GPC5: variants seen among roughly 807,000 people sequenced by gnomAD.
GPC5 encodes glypican-5.
A neutral mutation model predicts 53.9 loss-of-function variants in GPC5; 47 were observed. That is an observed-to-expected ratio of 0.87 (90% CI 0.69 to 1.11). The LOEUF (loss-of-function observed/expected upper bound fraction) is 1.11, where lower values mean the gene tolerates loss of function less well. Ranked by LOEUF, GPC5 falls within the 50% of genes most tolerant of loss-of-function variation. The pLI is 0.00. For synonymous variants in GPC5, 286 were observed against 263.3 expected, an observed-to-expected ratio of 1.09 and a Z score of -0.84; for missense variants, 748 against 713.1, an observed-to-expected ratio of 1.05 and a Z score of -0.56.
intron 7 of GPC5, among the ~76,000 whole-genome samples, chr13:92,334,059 G>A (rs1172456493): frequency 4.6e-5 from 7 of 152,078 alleles, no homozygotes; most frequent in African/African-American, 1.7e-4. Flanking sequence ...AAAACCCCCT[G>A]GAACTAATTG....
chr13:91,663,399 G>A (rs2035031162), intron 2 of GPC5, among the ~76,000 whole-genome samples: 1 of 152,034 alleles, frequency 6.6e-6, no homozygotes, highest in South Asian at 2.1e-4. Flanking sequence ...AAATATATGT[G>A]CTTATTATTC....
chr13:92,125,260 G>T (rs750555287), intron 6 of GPC5, among the ~76,000 whole-genome samples: 1 of 152,168 alleles, frequency 6.6e-6, no homozygotes, highest in African/African-American at 2.4e-5. Context: ...TTTTAAAAGA[G>T]TGAGAGTCAG....
chr13:92,591,780 C>T (rs1186992705), intron 7 of GPC5, among the ~76,000 whole-genome samples: 2 of 152,130 alleles, frequency 1.3e-5, no homozygotes, highest in African/African-American at 4.8e-5. Context: ...TTGGTAACCG[C>T]CATTCTACTC....
intron 7 of GPC5, among the ~76,000 whole-genome samples, chr13:92,550,189 A>G (rs1322576349): frequency 6.6e-6 from 1 of 151,834 alleles, no homozygotes; most frequent in East Asian, 1.9e-4. Flanking sequence ...TTTGATTCCA[A>G]TAATAGAACT....
At chr13:92,529,023 A>G (rs1472669089) in intron 7 of GPC5, among the ~76,000 whole-genome samples, 1 of 152,140 alleles carries the variant, frequency 6.6e-6, no homozygotes, top group Non-Finnish European at 1.5e-5. Flanking sequence ...CATTGGAAAA[A>G]AAGATAATTA....
At chr13:92,289,844 T>C (rs2042981412) in intron 7 of GPC5, among the ~76,000 whole-genome samples, 1 of 152,032 alleles carries the variant, frequency 6.6e-6, no homozygotes, top group South Asian at 2.1e-4. Flanking sequence ...TTATATACAT[T>C]TTTCAAAAGC....
chr13:92,695,925 A>C (rs1831867), intron 7 of GPC5, among the ~76,000 whole-genome samples: 83,228 of 151,634 alleles, frequency 0.55, 23,678 homozygotes, highest in East Asian at 0.84. Context: ...TTGTCCAACT[A>C]CCTATGAGTG....
chr13:91,936,950 T>C (rs970728238), intron 6 of GPC5, among the ~76,000 whole-genome samples: 1 of 152,040 alleles, frequency 6.6e-6, no homozygotes, highest in Admixed American at 6.6e-5. Flanking sequence ...TGTGAGCTGT[T>C]GCTCTACTGC....
intron 7 of GPC5, among the ~76,000 whole-genome samples, chr13:92,652,202 A>C (rs1388394622): frequency 6.6e-6 from 1 of 152,152 alleles, no homozygotes; most frequent in East Asian, 1.9e-4. Context: ...TTATGGTTTA[A>C]AATACTTTTC....
intron 7 of GPC5, among the ~76,000 whole-genome samples, chr13:92,519,444 C>T (rs1440696841): frequency 6.6e-6 from 1 of 152,188 alleles, no homozygotes; most frequent in Non-Finnish European, 1.5e-5. Context: ...GACCACAGTG[C>T]AATCAAACTA....
At chr13:91,569,251 A>G (rs899843004) in intron 2 of GPC5, among the ~76,000 whole-genome samples, 1 of 152,170 alleles carries the variant, frequency 6.6e-6, no homozygotes, top group African/African-American at 2.4e-5. Context: ...TGTTCAATAA[A>G]TGATATTGGG....
intron 7 of GPC5, among the ~76,000 whole-genome samples, chr13:92,635,103 AC>A (rs1885371445): frequency 6.6e-6 from 1 of 151,996 alleles, no homozygotes; most frequent in South Asian, 2.1e-4. Flanking sequence ...TCACAGATAA[AC>A]CTTTTATCTG....
chr13:92,593,398 G>T (rs1317803291), intron 7 of GPC5, among the ~76,000 whole-genome samples: 1 of 151,056 alleles, frequency 6.6e-6, no homozygotes, highest in African/African-American at 2.4e-5. Context: ...AGGAAGATTG[G>T]AGGTTGAAGT....
At chr13:91,470,177 G>A (rs1882524967) in intron 2 of GPC5, among the ~76,000 whole-genome samples, 1 of 152,138 alleles carries the variant, frequency 6.6e-6, no homozygotes, top group Non-Finnish European at 1.5e-5. Flanking sequence ...GTTATGTCAT[G>A]TCTTCTTTTC....
intron 6 of GPC5, among the ~76,000 whole-genome samples, chr13:92,077,355 AT>A (rs1343905172): frequency 6.6e-6 from 1 of 152,144 alleles, no homozygotes; most frequent in African/African-American, 2.4e-5. Flanking sequence ...CACTGTTAAT[AT>A]TACCCTAATG....
intron 7 of GPC5, among the ~76,000 whole-genome samples, chr13:92,483,248 T>G (rs970820215): frequency 6.6e-6 from 1 of 152,148 alleles, no homozygotes; most frequent in Non-Finnish European, 1.5e-5. Flanking sequence ...CATAATTGTG[T>G]GAACATCATG....
intron 5 of GPC5, among the ~76,000 whole-genome samples, chr13:91,855,276 C>T (rs911323057): frequency 6.6e-6 from 1 of 151,640 alleles, no homozygotes; most frequent in Non-Finnish European, 1.5e-5. Flanking sequence ...CAGCTTCAAA[C>T]TTCATTGGCT....
intron 2 of GPC5, among the ~76,000 whole-genome samples, chr13:91,538,200 T>A (rs1195115922): frequency 6.6e-6 from 1 of 152,204 alleles, no homozygotes; most frequent in African/African-American, 2.4e-5. Context: ...TAACCAGCAG[T>A]GGATGCTTGA....
intron 7 of GPC5, among the ~76,000 whole-genome samples, chr13:92,174,822 C>T (rs750193604): frequency 6.6e-6 from 1 of 152,146 alleles, no homozygotes; most frequent in African/African-American, 2.4e-5. Context: ...ATTAAAATAA[C>T]ACACTGTGAG....
Sources: gnomAD v4.1 joint callset for allele counts (sites outside exome capture counted in the v4.1 genomes callset) on GRCh38, gnomAD v4.1.1 for gene constraint, MANE v1.5 for transcripts, NCBI Gene and HGNC (gene_info 2026-07-23, HGNC 2026-07-21) for gene names.